COMMD1: variants seen among roughly 807,000 people sequenced by gnomAD.
COMMD1 encodes the protein COMM domain-containing protein 1.
COMMD1 carries 10 observed loss-of-function variants against 17.2 expected under a neutral mutation model. The observed-to-expected ratio is 0.58, with a 90% CI of 0.36 to 0.99. The LOEUF (loss-of-function observed/expected upper bound fraction) is 0.99. Among genes scored for constraint, COMMD1 ranks in the 50% least tolerant of loss-of-function variants. The pLI, the probability that COMMD1 is intolerant of heterozygous loss-of-function variation, is 0.01. For synonymous variants in COMMD1, 97 were observed against 91.6 expected (o/e 1.06, Z -0.34); for missense variants, 270 against 231.8 (o/e 1.17, Z -1.07).
chr2:62,053,450 T>C (rs1194991993), intron 2 of COMMD1, among the ~76,000 whole-genome samples: 8 of 152,160 alleles, frequency 5.3e-5, no homozygotes, highest in Admixed American at 1.3e-4. Flanking sequence ...ATATTACTTC[T>C]CAACTTTGAC....
chr2:62,036,539 G>A (rs1373803790), intron 2 of COMMD1, among the ~76,000 whole-genome samples: 1 of 152,216 alleles, frequency 6.6e-6, no homozygotes, highest in Non-Finnish European at 1.5e-5. Context: ...AACAGCTAAT[G>A]TATTGGATGG....
intron 2 of COMMD1, among the ~76,000 whole-genome samples, chr2:62,022,055 T>A (rs1339926937): frequency 3.3e-5 from 5 of 152,196 alleles, no homozygotes; most frequent in Admixed American, 2.6e-4. Flanking sequence ...ATCTGATTCA[T>A]GAAGATTTAC....
At chr2:61,947,912 C>G (rs541210749) in intron 1 of COMMD1, among the ~76,000 whole-genome samples, 1 of 151,604 alleles carries the variant, frequency 6.6e-6, no homozygotes, top group African/African-American at 2.4e-5. Context: ...AACAGAGACT[C>G]AATTTGATTA....
chr2:62,024,402 G>A (rs1371782071), intron 2 of COMMD1, among the ~76,000 whole-genome samples: 1 of 152,050 alleles, frequency 6.6e-6, no homozygotes, highest in East Asian at 1.9e-4. Context: ...TGTGTTAATT[G>A]CAAGCCTAGT....
chr2:62,069,645 G>A (rs1344943681), intron 2 of COMMD1: 2 of 152,152 alleles, frequency 1.3e-5, no homozygotes, highest in African/African-American at 4.8e-5. Flanking sequence ...ACCCTCACTG[G>A]TTGTATTTCT....
chr2:61,921,874 A>T (rs1284096256), intron 1 of COMMD1, among the ~76,000 whole-genome samples: 2 of 152,222 alleles, frequency 1.3e-5, no homozygotes, highest in African/African-American at 4.8e-5. Context: ...TTAGAGGTGC[A>T]AACTGGAAGA....
At chr2:62,017,890 T>A (rs906307392) in intron 2 of COMMD1, among the ~76,000 whole-genome samples, 5 of 151,634 alleles carry the variant, frequency 3.3e-5, no homozygotes, top group African/African-American at 1.2e-4. Context: ...AAAAAATTTT[T>A]AAAATTACCT....
chr2:62,102,338 T>C (rs1470796575), intron 2 of COMMD1, among the ~76,000 whole-genome samples: 1 of 152,216 alleles, frequency 6.6e-6, no homozygotes, highest in Non-Finnish European at 1.5e-5. Flanking sequence ...ATATTTCTTA[T>C]GAAAATCCTA....
chr2:61,921,689 C>T (rs1670201317), intron 1 of COMMD1, among the ~76,000 whole-genome samples: 1 of 152,142 alleles, frequency 6.6e-6, no homozygotes, highest in East Asian at 1.9e-4. Context: ...GTGATCCACC[C>T]GCCTTGGCCT....
At chr2:62,042,701 C>A (rs1160514821) in intron 2 of COMMD1, among the ~76,000 whole-genome samples, 1 of 152,226 alleles carries the variant, frequency 6.6e-6, no homozygotes, top group Non-Finnish European at 1.5e-5. Context: ...AGAGCGGATG[C>A]CGAGGCTGAG....
intron 1 of COMMD1, among the ~76,000 whole-genome samples, chr2:61,899,977 T>A (rs1269117201): frequency 6.6e-6 from 1 of 152,194 alleles, no homozygotes; most frequent in Non-Finnish European, 1.5e-5. Flanking sequence ...CAGCCTGTAT[T>A]TTCACTTGCT....
At chr2:61,983,189 ATT>A (rs1295410552) in intron 1 of COMMD1, among the ~76,000 whole-genome samples, 10 of 132,780 alleles carry the variant, frequency 7.5e-5, no homozygotes, top group African/African-American at 5.6e-5. Context: ...TTATCATGGC[ATT>A]TTTTTTTTTT....
At chr2:62,014,864 C>T (rs923946467) in intron 2 of COMMD1, among the ~76,000 whole-genome samples, 1 of 152,028 alleles carries the variant, frequency 6.6e-6, no homozygotes, top group Non-Finnish European at 1.5e-5. Context: ...TGCGCCCGGC[C>T]ATTTCAGCAG....
chr2:61,924,586 A>G (rs1381296723), intron 1 of COMMD1, among the ~76,000 whole-genome samples: 3 of 152,132 alleles, frequency 2.0e-5, no homozygotes, highest in Non-Finnish European at 4.4e-5. Flanking sequence ...GAATTTGGAA[A>G]GTAGAACCAG....
At chr2:62,064,885 T>G (rs1670985081) in intron 2 of COMMD1, among the ~76,000 whole-genome samples, 1 of 152,216 alleles carries the variant, frequency 6.6e-6, no homozygotes, top group Admixed American at 6.5e-5. Context: ...ATCTATGCTG[T>G]GCCAGGTGCA....
intron 1 of COMMD1, among the ~76,000 whole-genome samples, chr2:61,889,282 C>A (rs1669355699): frequency 7.1e-6 from 1 of 140,150 alleles, no homozygotes; most frequent in Non-Finnish European, 1.5e-5. Context: ...TCTTGGCTCA[C>A]TGCAGCCTCG....
intron 2 of COMMD1, among the ~76,000 whole-genome samples, chr2:62,091,264 A>G (rs1300619634): frequency 6.6e-6 from 1 of 152,226 alleles, no homozygotes; most frequent in East Asian, 1.9e-4. Flanking sequence ...TCTTCCTGGA[A>G]TAGCATTCCT....
chr2:62,102,396 C>T (rs1336342127), intron 2 of COMMD1, among the ~76,000 whole-genome samples: 2 of 152,178 alleles, frequency 1.3e-5, no homozygotes, highest in Non-Finnish European at 2.9e-5. Context: ...TCCTGTCAGA[C>T]TTAATACGCA....
chr2:61,974,119 C>T (rs1246717569), intron 1 of COMMD1, among the ~76,000 whole-genome samples: 1 of 152,040 alleles, frequency 6.6e-6, no homozygotes, highest in Non-Finnish European at 1.5e-5. Flanking sequence ...CATGGTGAAA[C>T]CCTGTCTCTA....
Sources: allele counts gnomAD v4.1 joint callset (sites outside exome capture counted in the v4.1 genomes callset), GRCh38; gene constraint gnomAD v4.1.1; transcripts MANE v1.5; gene names NCBI Gene and HGNC (gene_info 2026-07-23, HGNC 2026-07-21).